CHRM2: variants seen among roughly 807,000 people sequenced by gnomAD.
CHRM2 encodes cholinergic receptor muscarinic 2, also known as muscarinic acetylcholine receptor M2.
In CHRM2, 8 loss-of-function variants were observed where a neutral mutation model predicts 25.0. The observed-to-expected ratio is 0.32, with a 90% CI of 0.19 to 0.58. The LOEUF is 0.58. Among genes scored for constraint, CHRM2 ranks in the 20% least tolerant of loss-of-function variants. The pLI is 0.88. For synonymous variants in CHRM2, 202 were observed against 205.7 expected, an observed-to-expected ratio of 0.98 and a Z score of 0.15; for missense variants, 440 against 567.1, an observed-to-expected ratio of 0.78 and a Z score of 2.28.
chr7:136,922,126 G>A (rs1342226857), intron 2 of CHRM2, among the ~76,000 whole-genome samples: 1 of 152,142 alleles, frequency 6.6e-6, no homozygotes, highest in Non-Finnish European at 1.5e-5. Flanking sequence ...TGACCCCTGG[G>A]AGATGCTCAG....
chr7:136,888,150 G>T (rs1796541880), intron 2 of CHRM2, among the ~76,000 whole-genome samples: 1 of 152,144 alleles, frequency 6.6e-6, no homozygotes, highest in South Asian at 2.1e-4. Flanking sequence ...GTGTTACTTT[G>T]CCCTGCAATA....
In CHRM2 at chr7:137,019,396, C is replaced by T. The variant is rs1243146137; in HGVS notation, c.*3130C>T. ...TCTTAATGTTCAATTATGATTGCCA[C>T]AGATCTAGTCAATTGAGGTTGCAGT... On this transcript the variant is annotated 3_prime_UTR_variant, in exon 4 of 4. Transcript: ENST00000680005. 1 of 151,848 alleles carries T rather than the reference C, an allele frequency of 6.6e-6. No individual in the cohort carries two copies. The allele number at this position is 151,848 out of a possible 1,614,324, so 9.4% of individuals were successfully genotyped here. A position where few individuals can be genotyped will look rare whatever the true frequency, so the allele number is the denominator to read the frequency against.
At chr7:136,926,544 C>G (rs1798760471) in intron 2 of CHRM2, among the ~76,000 whole-genome samples, 1 of 152,104 alleles carries the variant, frequency 6.6e-6, no homozygotes, top group South Asian at 2.1e-4. Context: ...TAACTAGGTA[C>G]TCAGGTAAAT....
At chr7:136,882,386 C>T (rs539620179) in intron 2 of CHRM2, among the ~76,000 whole-genome samples, 3 of 151,700 alleles carry the variant, frequency 2.0e-5, no homozygotes, top group Admixed American at 2.0e-4. Flanking sequence ...CTTTCTTCTC[C>T]CCTTTCTCCT....
intron 2 of CHRM2, among the ~76,000 whole-genome samples, chr7:136,968,452 C>T (rs1801552129): frequency 6.6e-6 from 1 of 151,764 alleles, no homozygotes; most frequent in African/African-American, 2.4e-5. Context: ...TACAGTCACT[C>T]AAGAAAACAG....
chr7:136,910,731 G>C (rs965739563), intron 2 of CHRM2, among the ~76,000 whole-genome samples: 30 of 151,454 alleles, frequency 2.0e-4, no homozygotes, highest in African/African-American at 6.5e-4. Flanking sequence ...TTTCTGTTTT[G>C]TTAGTGATGA....
Position 137,015,790 on chromosome 7 carries a change from T to C in CHRM2, c.925T>C (p.Ser309Pro). ...DEITQDENTV[S>P]TSLGHSKDEN... ...AATAACCCAGGATGAAAACACAGTT[T>C]CCACTTCCCTGGGCCATTCCAAAGA... The change falls in exon 4 of 4, where the codon TCC becomes CCC. Residue 309 changes from serine to proline, a missense_variant. Ser to Pro is a moderately conservative substitution (Grantham distance 74). Around this residue, in one of 5 missense-constraint regions of CHRM2, gnomAD observed 261 missense variants for 261.8 expected, o/e 1.00. Coordinates refer to ENST00000680005, the MANE Select transcript of CHRM2 (RefSeq NM_001006630.2). This position sits in a 1 kb window ranked among gnomAD's most constrained non-coding sequence, Gnocchi z 5.1. 2 of 1,613,110 alleles carry C rather than the reference T, an allele frequency of 1.2e-6. No homozygotes were observed. Among genetic ancestry groups the C allele is most frequent in the Non-Finnish European group, 1.7e-6 (2 of 1,179,502 alleles).
intron 2 of CHRM2, among the ~76,000 whole-genome samples, chr7:136,970,696 T>C (rs1801704210): frequency 2.6e-5 from 1 of 38,472 alleles, no homozygotes; most frequent in South Asian, 7.5e-4. Flanking sequence ...ATAATACTTC[T>C]GAAAAAAAAG....
intron 3 of CHRM2, among the ~76,000 whole-genome samples, chr7:137,010,701 ATAT>A (rs1360225250): frequency 6.6e-6 from 1 of 152,018 alleles, no homozygotes; most frequent in East Asian, 1.9e-4. Flanking sequence ...AATCAGGCAA[ATAT>A]TATAACTCTA....
At chr7:136,901,236 T>C (rs1178004421) in intron 2 of CHRM2, among the ~76,000 whole-genome samples, 1 of 151,988 alleles carries the variant, frequency 6.6e-6, no homozygotes, top group East Asian at 1.9e-4. Flanking sequence ...AAATTAAATA[T>C]GTGGACTTGC....
intron 2 of CHRM2, among the ~76,000 whole-genome samples, chr7:136,971,363 C>G (rs1044470804): frequency 6.6e-6 from 1 of 152,014 alleles, no homozygotes; most frequent in African/African-American, 2.4e-5. Context: ...GGCCTGCAAT[C>G]CCAGCACTTT....
intron 2 of CHRM2, chr7:136,899,360 C>T (rs574379982): frequency 1.4e-4 from 22 of 152,104 alleles, no homozygotes; most frequent in African/African-American, 5.3e-4. Flanking sequence ...GAATGCTCAT[C>T]CAAGTAAAAA....
chr7:136,876,488 T>C (rs769270463), intron 2 of CHRM2, among the ~76,000 whole-genome samples: 1 of 152,084 alleles, frequency 6.6e-6, no homozygotes, highest in Non-Finnish European at 1.5e-5. Context: ...TCAAAATAAT[T>C]TTACTATTAT....
chr7:136,925,550 T>TTC (rs369030954), intron 2 of CHRM2, among the ~76,000 whole-genome samples: 1 of 152,036 alleles, frequency 6.6e-6, no homozygotes, highest in Non-Finnish European at 1.5e-5. Context: ...CTTTTTTTTT[T>TTC]CTAAATGGGA....
chr7:136,947,664 G>T (rs181737889), intron 2 of CHRM2, among the ~76,000 whole-genome samples: 3 of 152,184 alleles, frequency 2.0e-5, no homozygotes, highest in African/African-American at 7.2e-5. Context: ...TAGAGAAAAT[G>T]ATTACTCCTA....
At chr7:137,014,144 A>G (rs1805012639) in intron 3 of CHRM2, among the ~76,000 whole-genome samples, 1 of 152,164 alleles carries the variant, frequency 6.6e-6, no homozygotes, top group Non-Finnish European at 1.5e-5. Context: ...TAATAAGCAA[A>G]TATTCTTGTG....
intron 2 of CHRM2, among the ~76,000 whole-genome samples, chr7:136,890,556 A>G (rs1796651577): frequency 6.6e-6 from 1 of 152,182 alleles, no homozygotes; most frequent in African/African-American, 2.4e-5. Context: ...GTCTATCAGG[A>G]GTGTTCTAGG....
At chr7:136,995,787 T>A (rs945485486) in intron 3 of CHRM2, among the ~76,000 whole-genome samples, 2 of 151,710 alleles carry the variant, frequency 1.3e-5, no homozygotes, top group African/African-American at 2.4e-5. Flanking sequence ...ATAAATAAAA[T>A]TTTAAAAAAT....
intron 2 of CHRM2, among the ~76,000 whole-genome samples, chr7:136,919,653 G>A (rs913447769): frequency 1.3e-5 from 2 of 151,970 alleles, no homozygotes; most frequent in Non-Finnish European, 2.9e-5. Context: ...ATAAACCCAT[G>A]TATAGTTCCC....
Sources: allele counts gnomAD v4.1 joint callset (sites outside exome capture counted in the v4.1 genomes callset), GRCh38; gene constraint gnomAD v4.1.1; regional missense constraint gnomAD v4.1.1; non-coding constraint Gnocchi (gnomAD v3.1); transcripts MANE v1.5; gene names NCBI Gene and HGNC (gene_info 2026-07-23, HGNC 2026-07-21).